Variants in ECE1 observed in about 807,000 individuals in gnomAD.
The protein encoded by ECE1 is endothelin converting enzyme 1.
A neutral mutation model predicts 98.6 loss-of-function variants in ECE1; 35 were observed. The ratio of observed to expected loss-of-function variants is 0.35; its 90% CI spans 0.27 to 0.47. ECE1 has a LOEUF of 0.47. ECE1 is among the 20% of genes least tolerant of loss of function. ECE1 has a pLI of 1.00. For missense variants in ECE1, 814 were observed against 1,025.3 expected (o/e 0.79, Z 2.81); for synonymous variants, 394 against 407.1 (o/e 0.97, Z 0.39).
intron 8 of ECE1, among the ~76,000 whole-genome samples, chr1:21,253,034 A>ATTATTTTATTTTATT (rs149724130): frequency 6.8e-6 from 1 of 147,728 alleles, no homozygotes; most frequent in African/African-American, 2.5e-5. Flanking sequence ...GGACTTCTTT[A>ATTATTTTATTTTATT]TTATTTTATT....
At chr1:21,272,322 C>T (rs948746110) in intron 4 of ECE1, among the ~76,000 whole-genome samples, 1 of 152,298 alleles carries the variant, frequency 6.6e-6, no homozygotes, top group Non-Finnish European at 1.5e-5. Context: ...ACAAGAGTCT[C>T]ACTCTGTTGC....
intron 1 of ECE1, among the ~76,000 whole-genome samples, chr1:21,311,563 C>T (rs571265241): frequency 2.7e-5 from 4 of 150,900 alleles, no homozygotes; most frequent in Admixed American, 2.6e-4. Context: ...GCCTGCAATC[C>T]CAGCACTTTC....
chr1:21,222,726 C>T (rs1278819272), intron 17 of ECE1, among the ~76,000 whole-genome samples: 1 of 150,550 alleles, frequency 6.6e-6, no homozygotes. Flanking sequence ...ACTGTAATCC[C>T]AGCTACTCAG....
chr1:21,279,498 G>A (rs2098251874), intron 2 of ECE1, 166 bp from the exon 3 acceptor site: 1 of 1,491,730 alleles, frequency 6.7e-7, no homozygotes, highest in African/African-American at 1.4e-5. Flanking sequence ...TCCAGGAAAG[G>A]AACAGCCACC....
chr1:21,285,338 GT>G (rs1206296569), intron 2 of ECE1, among the ~76,000 whole-genome samples: 1 of 152,206 alleles, frequency 6.6e-6, no homozygotes, highest in Non-Finnish European at 1.5e-5. Context: ...ATCCCACTGT[GT>G]GTTGCTGGGC....
chr1:21,233,527 C>A lies in ECE1; in HGVS notation c.1670+31G>T, dbSNP rs904818554. On this transcript the variant is annotated intron_variant, in intron 14 of 18. Coordinates refer to ENST00000374893, the MANE Select transcript of ECE1 (RefSeq NM_001397.3). This position sits in a 1 kb window ranked among gnomAD's most constrained non-coding sequence, Gnocchi z 4.0. ...GGCTTGCCCACAGGTGGGGAGCTGGCACCTTGCCGGCAGGGCCTGGGGGAA... is the reference window on the plus strand; with the variant it reads ...GGCTTGCCCACAGGTGGGGAGCTGGAACCTTGCCGGCAGGGCCTGGGGGAA... 6 of 1,605,360 alleles carry A rather than the reference C, an allele frequency of 3.7e-6. No individual in the cohort carries two copies. The highest frequency in any genetic ancestry group is 5.1e-6 in the Non-Finnish European group (6 of 1,173,702).
intron 1 of ECE1, among the ~76,000 whole-genome samples, chr1:21,305,425 C>A (rs1402681354): frequency 2.6e-5 from 4 of 152,204 alleles, no homozygotes; most frequent in Admixed American, 6.5e-5. Flanking sequence ...AGGCCTCCGA[C>A]AACTGTAAAT....
At chr1:21,339,332 G>T (rs1639359169) in intron 1 of ECE1, among the ~76,000 whole-genome samples, 1 of 152,198 alleles carries the variant, frequency 6.6e-6, no homozygotes. Flanking sequence ...AACGCCTCTG[G>T]CTACCGGCTC....
chr1:21,268,185 G>A (rs929693482), intron 4 of ECE1, among the ~76,000 whole-genome samples: 1 of 152,200 alleles, frequency 6.6e-6, no homozygotes, highest in Non-Finnish European at 1.5e-5. Flanking sequence ...CTTTGGAGGG[G>A]GTGGTGTAGG....
intron 2 of ECE1, among the ~76,000 whole-genome samples, chr1:21,281,844 G>T (rs2098254916): frequency 6.6e-6 from 1 of 152,186 alleles, no homozygotes; most frequent in Non-Finnish European, 1.5e-5. Flanking sequence ...TTACAGGCAT[G>T]TGCTACCACG....
chr1:21,269,115 C>G (rs899585464), intron 4 of ECE1, among the ~76,000 whole-genome samples: 19 of 152,220 alleles, frequency 1.2e-4, no homozygotes, highest in Admixed American at 5.9e-4. Flanking sequence ...CGGCTGCTCT[C>G]CCTGCCAGCA....
rs2098164944 is a variant in ECE1 at position 21,219,733 on chromosome 1, T to C, written c.*222A>G. 3.3e-6 allele frequency: 2 copies of C among 604,110 alleles called. No homozygotes were observed. The highest frequency in any genetic ancestry group is 1.9e-5 in the South Asian group (1 of 52,756). The allele number at this position is 604,110 out of a possible 1,614,324, so 37.4% of individuals were successfully genotyped here. On this transcript the variant is annotated 3_prime_UTR_variant, in exon 19 of 19. Coordinates refer to ENST00000374893, the MANE Select transcript of ECE1 (RefSeq NM_001397.3). The surrounding 1 kb of genome is among the most constrained non-coding windows in gnomAD (Gnocchi z 4.5). The stretch of plus-strand genomic sequence containing the variant: ...CCAGCACCCGAATGCCTGCTGAAGG[T>C]GGCGCACACGTGTGCCTGGGATGTC...
At chr1:21,287,513 G>C (rs749208003) in intron 2 of ECE1, among the ~76,000 whole-genome samples, 16 of 152,178 alleles carry the variant, frequency 1.1e-4, no homozygotes, top group Non-Finnish European at 1.8e-4. Context: ...ACAACAGAGA[G>C]AGACTCTGTC....
intron 4 of ECE1, among the ~76,000 whole-genome samples, chr1:21,272,149 G>A (rs141935160): frequency 5.3e-5 from 8 of 152,018 alleles, no homozygotes; most frequent in African/African-American, 1.9e-4. Context: ...CTGTACCTTG[G>A]GTCTTATTAG....
At position 21,236,860 on chromosome 1, in the gene ECE1, T is replaced by C; in HGVS notation, c.1390-16A>G. 6.2e-7 allele frequency: 1 copy of C among 1,606,424 alleles called. No homozygotes were observed. Among genetic ancestry groups the C allele is most frequent in the Non-Finnish European group, 8.5e-7 (1 of 1,175,978 alleles). The stretch of plus-strand genomic sequence containing the variant: ...TCTCGGTGGCCTGAGGAGATACACA[T>C]CACAGCAGTAAGGTCTGCGCACTGG... On this transcript the variant is annotated splice_polypyrimidine_tract_variant and intron_variant, in intron 11 of 18. Transcript: ENST00000374893.
At chr1:21,231,391 G>C (rs2103226572) in intron 14 of ECE1, among the ~76,000 whole-genome samples, 1 of 152,136 alleles carries the variant, frequency 6.6e-6, no homozygotes, top group Middle Eastern at 3.4e-3. Flanking sequence ...GCCTAGGCTG[G>C]AGTGCAGTGG....
At chr1:21,338,948 G>A (rs946141587) in intron 1 of ECE1, among the ~76,000 whole-genome samples, 1 of 151,232 alleles carries the variant, frequency 6.6e-6, no homozygotes, top group Non-Finnish European at 1.5e-5. Context: ...AGGGAGCTGT[G>A]GGAGGAGGAT....
chr1:21,238,611 C>T (rs924568490), intron 10 of ECE1, among the ~76,000 whole-genome samples: 3 of 152,180 alleles, frequency 2.0e-5, no homozygotes, highest in African/African-American at 4.8e-5. Context: ...AGAACTGAGA[C>T]GTGCCTGACT....
intron 6 of ECE1, among the ~76,000 whole-genome samples, chr1:21,257,801 C>T (rs1255493875): frequency 6.6e-6 from 1 of 151,954 alleles, no homozygotes. Context: ...CCCCGCAGGG[C>T]TCCTGGGCTC....
Sources: allele counts gnomAD v4.1 joint callset (sites outside exome capture counted in the v4.1 genomes callset), GRCh38; gene constraint gnomAD v4.1.1; non-coding constraint Gnocchi (gnomAD v3.1); transcripts MANE v1.5; gene names NCBI Gene and HGNC (gene_info 2026-07-23, HGNC 2026-07-21).